Variants in TTC7B observed in about 807,000 individuals in gnomAD.
The protein encoded by TTC7B is tetratricopeptide repeat protein 7B.
TTC7B carries 28 observed loss-of-function variants against 106.8 expected under a neutral mutation model. The ratio of observed to expected loss-of-function variants is 0.26; its 90% CI spans 0.19 to 0.36. The LOEUF (loss-of-function observed/expected upper bound fraction) is 0.36. Ranked by LOEUF, TTC7B falls within the 10% of genes least tolerant of loss-of-function variation. The pLI, the probability that TTC7B is intolerant of heterozygous loss-of-function variation, is 1.00. For synonymous variants in TTC7B, 405 were observed against 430.6 expected, an observed-to-expected ratio of 0.94 and a Z score of 0.74; for missense variants, 862 against 1,076.4, an observed-to-expected ratio of 0.80 and a Z score of 2.79.
At chr14:90,562,070 A>G (rs891622908) in intron 19 of TTC7B, among the ~76,000 whole-genome samples, 3 of 152,058 alleles carry the variant, frequency 2.0e-5, no homozygotes, top group Non-Finnish European at 4.4e-5. Context: ...TTCGGGTACC[A>G]TGTACCAGCT....
At chr14:90,692,584 A>G (rs1399194250) in intron 6 of TTC7B, among the ~76,000 whole-genome samples, 2 of 152,218 alleles carry the variant, frequency 1.3e-5, no homozygotes, top group African/African-American at 4.8e-5. Flanking sequence ...CTCCATACTT[A>G]AGCAATTTTG....
At chr14:90,601,613 A>G (rs1474462279) in intron 17 of TTC7B, among the ~76,000 whole-genome samples, 1 of 152,182 alleles carries the variant, frequency 6.6e-6, no homozygotes, top group Admixed American at 6.5e-5. Flanking sequence ...ACATCAGCAC[A>G]GATTTTTCTC....
In TTC7B at chr14:90,742,843, T is replaced by TA. The variant is rs1331218552; in HGVS notation, c.576+1948dup. Among the ~76,000 whole-genome samples, 1 of 152,212 alleles carries TA rather than the reference T, an allele frequency of 6.6e-6. No individual in the cohort carries two copies. Among genetic ancestry groups the TA allele is most frequent in the East Asian group, 1.9e-4 (1 of 5,198 alleles). On this transcript the variant is annotated intron_variant, in intron 4 of 19. Coordinates refer to ENST00000328459, the MANE Select transcript of TTC7B (RefSeq NM_001010854.2). This position sits in a 1 kb window ranked among gnomAD's most constrained non-coding sequence, Gnocchi z 4.1. ...TCAGATCTACCAATTCCTACATCAC[T>TA]ACAGACACATGTAACACATGAGCCT...
chr14:90,544,438 T>C (rs1370363774), intron 19 of TTC7B, among the ~76,000 whole-genome samples: 1 of 152,154 alleles, frequency 6.6e-6, no homozygotes, highest in Non-Finnish European at 1.5e-5. Context: ...CCTGAAGGGC[T>C]TCTGGGTGTG....
intron 2 of TTC7B, among the ~76,000 whole-genome samples, chr14:90,782,617 C>A (rs1002855229): frequency 6.6e-6 from 1 of 152,262 alleles, no homozygotes. Context: ...GCATCCACCA[C>A]AGGGGTTCTC....
intron 3 of TTC7B, among the ~76,000 whole-genome samples, chr14:90,761,043 G>A (rs528143870): frequency 6.6e-6 from 1 of 152,308 alleles, no homozygotes; most frequent in East Asian, 1.9e-4. Flanking sequence ...AAAGAAATCT[G>A]ATCTAACCAA....
intron 19 of TTC7B, among the ~76,000 whole-genome samples, chr14:90,565,168 G>T (rs1890737136): frequency 6.6e-6 from 1 of 152,198 alleles, no homozygotes; most frequent in African/African-American, 2.4e-5. Flanking sequence ...TGGCTTAAGG[G>T]AATATTGTGG....
Position 90,807,505 on chromosome 14 carries a change from C to T in TTC7B, c.121+8670G>A, listed in dbSNP as rs1336984481. Among the ~76,000 whole-genome samples the T allele has an allele frequency of 6.6e-6, 1 of 152,154 alleles. No individual in the cohort carries two copies. The highest frequency in any genetic ancestry group is 2.4e-5 in the African/African-American group (1 of 41,442). ...TGCCCATCTGAGTTGCTAACTAGCCCCCAGGGGACCCTGCTGCCCAGAGGT... is the reference window on the plus strand; with the variant it reads ...TGCCCATCTGAGTTGCTAACTAGCCTCCAGGGGACCCTGCTGCCCAGAGGT... On this transcript the variant is annotated intron_variant, in intron 1 of 19. Coordinates refer to ENST00000328459, the MANE Select transcript of TTC7B (RefSeq NM_001010854.2). This position sits in a 1 kb window ranked among gnomAD's most constrained non-coding sequence, Gnocchi z 4.1.
chr14:90,798,709 CAAAAAAAA>C (rs36223089), intron 1 of TTC7B, among the ~76,000 whole-genome samples: 564 of 52,308 alleles, frequency 0.011, 7 homozygotes, highest in African/African-American at 0.032. Context: ...GACTCCATCT[CAAAAAAAA>C]AAAAAAAAAA....
chr14:90,758,657 G>A (rs1290357106), intron 3 of TTC7B, among the ~76,000 whole-genome samples: 1 of 152,208 alleles, frequency 6.6e-6, no homozygotes, highest in Non-Finnish European at 1.5e-5. Context: ...ATGTGGCCCT[G>A]AGTCAGCTTT....
At chr14:90,662,200 A>G (rs1886235927) in intron 9 of TTC7B, among the ~76,000 whole-genome samples, 1 of 152,260 alleles carries the variant, frequency 6.6e-6, no homozygotes, top group Non-Finnish European at 1.5e-5. Context: ...CGTGGCACGC[A>G]GACAGCCAAT....
At chr14:90,582,573 G>A (rs900515722) in intron 18 of TTC7B, among the ~76,000 whole-genome samples, 3 of 152,228 alleles carry the variant, frequency 2.0e-5, no homozygotes, top group African/African-American at 4.8e-5. Flanking sequence ...CAGAAAGCCT[G>A]GAGCCCAAAG....
In TTC7B at chr14:90,802,982, A is replaced by AT. The variant is rs986506383; in HGVS notation, c.121+13192_121+13193insA. Among the ~76,000 whole-genome samples, 3 of 151,346 alleles carry AT rather than the reference A, an allele frequency of 2.0e-5. No homozygotes were observed. The highest frequency in any genetic ancestry group is 4.4e-5 in the Non-Finnish European group (3 of 67,790). Reference sequence around the variant, plus strand: ...CCCCATCTCTGCTAAAAAAAAAAAAAAATACAAAAAATTAGCTGGATGTGG... The same window carrying AT: ...CCCCATCTCTGCTAAAAAAAAAAAAATAATACAAAAAATTAGCTGGATGTGG... On this transcript the variant is annotated intron_variant, in intron 1 of 19. Coordinates refer to ENST00000328459, the MANE Select transcript of TTC7B (RefSeq NM_001010854.2). The surrounding 1 kb of genome is among the most constrained non-coding windows in gnomAD (Gnocchi z 4.7).
intron 19 of TTC7B, among the ~76,000 whole-genome samples, chr14:90,569,178 C>T (rs1282595491): frequency 3.3e-5 from 5 of 152,196 alleles, no homozygotes; most frequent in African/African-American, 1.2e-4. Flanking sequence ...CTCCTTAAGG[C>T]AGTGGTGAAA....
intron 18 of TTC7B, among the ~76,000 whole-genome samples, chr14:90,587,202 C>T (rs1031545818): frequency 4.6e-5 from 7 of 152,152 alleles, no homozygotes; most frequent in Non-Finnish European, 7.3e-5. Flanking sequence ...CTCAGGCAAT[C>T]CTCCCACCTC....
At chr14:90,632,631 C>T (rs951211482) in intron 15 of TTC7B, among the ~76,000 whole-genome samples, 12 of 152,234 alleles carry the variant, frequency 7.9e-5, no homozygotes, top group African/African-American at 2.2e-4. Flanking sequence ...CTAGCATGGC[C>T]CCTGGCATGT....
At chr14:90,704,145 CT>C (rs1888111700) in intron 5 of TTC7B, among the ~76,000 whole-genome samples, 1 of 152,228 alleles carries the variant, frequency 6.6e-6, no homozygotes, top group South Asian at 2.1e-4. Context: ...ACCTGGAAAG[CT>C]TCTGACTCCA....
At chr14:90,618,066 G>A (rs937672553) in intron 15 of TTC7B, 21 bp from the exon 16 acceptor site, 2 of 1,570,906 alleles carry the variant, frequency 1.3e-6, no homozygotes, top group East Asian at 2.2e-5. Flanking sequence ...GAGACAAAGG[G>A]AGAAAACACC....
chr14:90,614,883 C>T (rs1475437326), intron 16 of TTC7B, among the ~76,000 whole-genome samples: 1 of 152,210 alleles, frequency 6.6e-6, no homozygotes, highest in Non-Finnish European at 1.5e-5. Flanking sequence ...TGGTGAGATT[C>T]TGGTCAGAAT....
Sources: allele counts gnomAD v4.1 joint callset (sites outside exome capture counted in the v4.1 genomes callset), GRCh38; gene constraint gnomAD v4.1.1; non-coding constraint Gnocchi (gnomAD v3.1); transcripts MANE v1.5; gene names NCBI Gene and HGNC (gene_info 2026-07-23, HGNC 2026-07-21).